Variants in NKAIN2 observed in about 807,000 individuals in gnomAD.
The protein encoded by NKAIN2 is sodium/potassium-transporting ATPase subunit beta-1-interacting protein 2.
NKAIN2 carries 14 observed loss-of-function variants against 32.6 expected under a neutral mutation model. The ratio of observed to expected loss-of-function variants is 0.43; its 90% CI spans 0.28 to 0.67. The LOEUF (loss-of-function observed/expected upper bound fraction) is 0.67, where lower values mean the gene tolerates loss of function less well. NKAIN2 is among the 30% of genes least tolerant of loss of function. NKAIN2 has a pLI of 0.17. For missense variants in NKAIN2, 198 were observed against 258.3 expected (o/e 0.77, Z 1.60); for synonymous variants, 80 against 87.2 (o/e 0.92, Z 0.46).
At chr6:124,298,720 G>C (rs1054507706) in intron 2 of NKAIN2, among the ~76,000 whole-genome samples, 1 of 152,100 alleles carries the variant, frequency 6.6e-6, no homozygotes, top group African/African-American at 2.4e-5. Flanking sequence ...GAACTCAGCA[G>C]ATAATGCATG....
chr6:124,331,345 C>CAAAAAAAAAAAAAAAAAAAAAAA lies in NKAIN2; in HGVS notation c.193-23910_193-23888dup, dbSNP rs1162529828. 1.4e-4 allele frequency among the ~76,000 whole-genome samples: 3 copies of CAAAAAAAAAAAAAAAAAAAAAAA among 20,814 alleles called. 1 individual carries two copies. Among genetic ancestry groups the CAAAAAAAAAAAAAAAAAAAAAAA allele is most frequent in the South Asian group, 4.3e-3 (1 of 234 alleles). 13.7% of individuals were successfully genotyped at this position (20,814 alleles called of 152,430 possible). A position where few individuals can be genotyped will look rare whatever the true frequency, so the allele number is the denominator to read the frequency against. On this transcript the variant is annotated intron_variant, in intron 2 of 6. Transcript: ENST00000368417. ...TGAAACCCTGTCTCTACTAAATATA[C>CAAAAAAAAAAAAAAAAAAAAAAA]AAAAAAAAAAAAAAAAAAAAAAAAA...
intron 3 of NKAIN2, among the ~76,000 whole-genome samples, chr6:124,629,241 A>G (rs544548240): frequency 6.6e-6 from 1 of 152,294 alleles, no homozygotes; most frequent in South Asian, 2.1e-4. Flanking sequence ...ATTATCCTGC[A>G]GAGGTGAGGG....
At chr6:124,630,112 G>A (rs931796996) in intron 3 of NKAIN2, among the ~76,000 whole-genome samples, 2 of 152,082 alleles carry the variant, frequency 1.3e-5, no homozygotes, top group African/African-American at 4.8e-5. Context: ...AGAGAAGAAG[G>A]TTTAAAGTAA....
chr6:124,490,430 T>TTTTTAA, intron 3 of NKAIN2: 1 of 407,818 alleles, frequency 2.5e-6, no homozygotes, highest in Non-Finnish European at 4.7e-6. Context: ...TTTTTTTTTT[T>TTTTTAA]AAGAATTCTT....
chr6:123,850,375 C>T (rs62436070), intron 1 of NKAIN2, among the ~76,000 whole-genome samples: 53,727 of 135,942 alleles, frequency 0.4, 11,713 homozygotes, highest in East Asian at 0.69. Context: ...TATATATACA[C>T]ACACACACAC....
At chr6:124,588,980 T>TTTTTATAATGTA (rs1193833480) in intron 3 of NKAIN2, among the ~76,000 whole-genome samples, 5 of 152,228 alleles carry the variant, frequency 3.3e-5, no homozygotes, top group Non-Finnish European at 7.3e-5. Context: ...TTTAATGTAT[T>TTTTTATAATGTA]TTTTATAATG....
intron 1 of NKAIN2, among the ~76,000 whole-genome samples, chr6:123,823,974 T>A (rs2114895508): frequency 6.6e-6 from 1 of 152,210 alleles, no homozygotes; most frequent in African/African-American, 2.4e-5. Flanking sequence ...TTTAAGAAAT[T>A]AAAAAATACT....
At chr6:123,921,659 A>G (rs892349783) in intron 1 of NKAIN2, among the ~76,000 whole-genome samples, 1 of 152,184 alleles carries the variant, frequency 6.6e-6, no homozygotes, top group Admixed American at 6.5e-5. Context: ...GAAGATGACC[A>G]TTGGAGATAT....
intron 1 of NKAIN2, among the ~76,000 whole-genome samples, chr6:123,894,075 A>T (rs1295031632): frequency 6.6e-6 from 1 of 152,236 alleles, no homozygotes; most frequent in South Asian, 2.1e-4. Flanking sequence ...AAAAGTGTTA[A>T]TGTGTTTAAA....
intron 1 of NKAIN2, among the ~76,000 whole-genome samples, chr6:123,857,640 C>CTCAGAAATCTAAACAAAGACATATCAG (rs1209856255): frequency 1.3e-5 from 2 of 152,140 alleles, no homozygotes; most frequent in Non-Finnish European, 1.5e-5. Flanking sequence ...CTCAGAAATT[C>CTCAGAAATCTAAACAAAGACATATCAG]ATTTAATGCA....
At chr6:123,898,296 TA>T (rs1268494901) in intron 1 of NKAIN2, among the ~76,000 whole-genome samples, 2 of 152,166 alleles carry the variant, frequency 1.3e-5, no homozygotes, top group Non-Finnish European at 1.5e-5. Flanking sequence ...CCTGGCCCAT[TA>T]AAAAAATAAA....
chr6:123,984,018 C>T (rs1300682889), intron 1 of NKAIN2, among the ~76,000 whole-genome samples: 2 of 152,124 alleles, frequency 1.3e-5, no homozygotes, highest in East Asian at 1.9e-4. Context: ...AGCGGTTCTC[C>T]TGCCTCAGCC....
chr6:124,036,664 A>G (rs1239375267), intron 1 of NKAIN2, among the ~76,000 whole-genome samples: 1 of 152,154 alleles, frequency 6.6e-6, no homozygotes, highest in Non-Finnish European at 1.5e-5. Flanking sequence ...CAGTCCCAAC[A>G]GCCATAAAAG....
intron 1 of NKAIN2, among the ~76,000 whole-genome samples, chr6:123,918,654 A>C (rs1369865182): frequency 2.6e-5 from 4 of 152,178 alleles, no homozygotes; most frequent in Admixed American, 2.0e-4. Flanking sequence ...TGGACTGAGT[A>C]AATCAGATTA....
intron 3 of NKAIN2, among the ~76,000 whole-genome samples, chr6:124,365,648 T>C (rs1053108534): frequency 2.0e-5 from 3 of 151,896 alleles, no homozygotes; most frequent in African/African-American, 4.8e-5. Flanking sequence ...AATAAGGATA[T>C]AGAATATCTA....
Position 124,545,064 on chromosome 6 carries a change from G to A in NKAIN2, c.274-113122G>A, listed in dbSNP as rs543892828. On this transcript the variant is annotated intron_variant, in intron 3 of 6. Transcript: ENST00000368417. ...CTCTTTTCTTATTAGGAAACCGTAA[G>A]GCCTCACTTCATTTAAAGGGAGAGG... 3.3e-5 allele frequency among the ~76,000 whole-genome samples: 5 copies of A among 152,238 alleles called. No individual in the cohort carries two copies. The South Asian group carries it at 1.0e-3, about 32-fold the overall frequency.
chr6:124,046,922 T>G (rs7748735), intron 1 of NKAIN2, among the ~76,000 whole-genome samples: 3,168 of 152,082 alleles, frequency 0.021, 118 homozygotes, highest in African/African-American at 0.072. Flanking sequence ...AATGAGAAAA[T>G]GGTCTACAAT....
intron 1 of NKAIN2, among the ~76,000 whole-genome samples, chr6:123,966,575 A>G (rs1027674346): frequency 1.8e-4 from 28 of 152,202 alleles, no homozygotes; most frequent in Non-Finnish European, 2.9e-5. Flanking sequence ...ATTGAAGCTG[A>G]GACTAAACTT....
intron 1 of NKAIN2, chr6:123,823,532 G>A (rs1774012431): frequency 6.6e-6 from 1 of 152,160 alleles, no homozygotes; most frequent in Admixed American, 6.6e-5. Context: ...TGTACTTGAT[G>A]TGACCGTAGC....
Sources: allele counts gnomAD v4.1 joint callset (sites outside exome capture counted in the v4.1 genomes callset), GRCh38; gene constraint gnomAD v4.1.1; transcripts MANE v1.5; gene names NCBI Gene and HGNC (gene_info 2026-07-23, HGNC 2026-07-21).